Variants in PPP1R15A observed in about 807,000 individuals in gnomAD.
PPP1R15A encodes protein phosphatase 1 regulatory subunit 15A.
PPP1R15A carries 43 observed loss-of-function variants against 48.5 expected under a neutral mutation model. The ratio of observed to expected loss-of-function variants is 0.89; its 90% CI spans 0.69 to 1.14. PPP1R15A has a LOEUF of 1.14. Ranked by LOEUF, PPP1R15A falls within the 50% of genes most tolerant of loss-of-function variation. The probability of loss-of-function intolerance (pLI) is 0.00; values close to 1 mark genes in which losing one functional copy is unlikely to be tolerated. For synonymous variants in PPP1R15A, 327 were observed against 327.4 expected (o/e 1.00, Z 0.01); for missense variants, 868 against 847.2 (o/e 1.02, Z -0.30).
rs760287672 is a variant in PPP1R15A at position 48,874,220 on chromosome 19, T to C, written c.987T>C (p.Pro329=). Residue 329 remains proline, a synonymous_variant, in exon 2 of 3, where the codon CCT becomes CCC. Transcript: ENST00000200453. ...AGAAGGATGGAGAAGCTGAGTGTCC[T>C]CCCTGCATCCCCCCACCAAGTGCCT... is the stretch of plus-strand genomic sequence containing the variant. ...AAEKDGEAEC[P]PCIPPPSAFL... is the part of the protein sequence containing the mutation. 1 of 1,614,016 alleles carries C rather than the reference T, an allele frequency of 6.2e-7. No homozygotes were observed. The highest frequency in any genetic ancestry group is 8.5e-7 in the Non-Finnish European group (1 of 1,180,018).
chr19:48,874,066 A>G lies in PPP1R15A; in HGVS notation c.833A>G (p.Glu278Gly). ...GAGAAGGAGGAAAAGGCACACAAAG[A>G]AACTGGGAAAGGAGAAGCTGCCCCA... is the stretch of plus-strand genomic sequence containing the variant. The part of the protein sequence containing the change: ...SEEKEEKAHK[E>G]TGKGEAAPGP... The change falls in exon 2 of 3, where the codon GAA (glutamate) becomes GGA (glycine). Residue 278 changes from glutamate (E) to glycine (G), a missense_variant. Coordinates refer to ENST00000200453, the MANE Select transcript of PPP1R15A (RefSeq NM_014330.5). 1 of 1,614,192 alleles carries G rather than the reference A, an allele frequency of 6.2e-7. No homozygotes were observed. Among genetic ancestry groups the G allele is most frequent in the Non-Finnish European group, 8.5e-7 (1 of 1,180,016 alleles).
intron 1 of PPP1R15A, 27 bp from the exon 2 acceptor site, chr19:48,873,198 C>T (rs2037029618): frequency 6.9e-7 from 1 of 1,454,418 alleles, no homozygotes; most frequent in East Asian, 2.4e-5. Context: ...GGCCCCTAAA[C>T]TTTATTTTTT....
rs762936629 is a variant in PPP1R15A, at chr19:48,874,605, G to A, written c.1372G>A (p.Glu458Lys). 3.5e-5 allele frequency: 57 copies of A among 1,614,108 alleles called. No homozygotes were observed. Among genetic ancestry groups the A allele is most frequent in the Non-Finnish European group, 4.4e-5 (52 of 1,180,040 alleles). Residue 458 changes from glutamate (E) to lysine (K), a missense_variant, in exon 2 of 3, where the codon GAA (glutamate) becomes AAA (lysine). By Grantham distance (56) the Glu-to-Lys change is moderately conservative. Coordinates refer to ENST00000200453, the MANE Select transcript of PPP1R15A (RefSeq NM_014330.5). The part of the protein sequence containing the change: ...VDSEDKEDDS[E>K]AALGEAESDP... Reference sequence around the variant, plus strand: ...TAGTGAGGATAAGGAAGATGATTCAGAAGCAGCCTTGGGAGAAGCTGAGTC... The same window carrying A: ...TAGTGAGGATAAGGAAGATGATTCAAAAGCAGCCTTGGGAGAAGCTGAGTC...
Position 48,873,811 on chromosome 19 carries a change from A to G in PPP1R15A, c.578A>G (p.Glu193Gly). Residue 193 changes from glutamate to glycine, a missense_variant, in exon 2 of 3, where the codon GAG (glutamate) becomes GGG (glycine). Physicochemically the swap from Glu to Gly is moderately conservative, Grantham distance 98. Coordinates refer to ENST00000200453, the MANE Select transcript of PPP1R15A (RefSeq NM_014330.5). ...GAGTGTTGTCCAGCCGTGGAGGAGG[A>G]GGACGATGAAGAAGCTGTAAAGAAA... is the stretch of plus-strand genomic sequence containing the variant. ...HRECCPAVEE[E>G]DDEEAVKKEA... 3 of 1,614,074 alleles carry G rather than the reference A, an allele frequency of 1.9e-6. No individual in the cohort carries two copies. Among genetic ancestry groups the G allele is most frequent in the Non-Finnish European group, 2.5e-6 (3 of 1,180,000 alleles).
In PPP1R15A at chr19:48,875,719, C is replaced by G. The variant is rs374535887; in HGVS notation, c.1771C>G (p.Arg591Gly). 9 of 1,612,966 alleles carry G rather than the reference C, an allele frequency of 5.6e-6. No homozygotes were observed. The East Asian group carries it at 1.6e-4, about 28-fold the overall frequency. The change falls in exon 3 of 3, where the codon CGC becomes GGC. Residue 591 changes from arginine to glycine, a missense_variant. By Grantham distance (125) the Arg-to-Gly change is moderately radical. Coordinates refer to ENST00000200453, the MANE Select transcript of PPP1R15A (RefSeq NM_014330.5). ...PWEQLARDRSRFARRITQAQE... is the reference protein window; with the variant it reads ...PWEQLARDRSGFARRITQAQE... ...GGAGCAGCTTGCTCGGGATCGCAGC[C>G]GCTTCGCACGCCGCATCACCCAGGC...
chr19:48,875,009 C>G (rs1167714746), intron 2 of PPP1R15A, 111 bp downstream of exon 2: 1 of 1,278,054 alleles, frequency 7.8e-7, no homozygotes, highest in Non-Finnish European at 1.0e-6. Flanking sequence ...CACTGCCAAC[C>G]TCTGCCGCCC....
In PPP1R15A at chr19:48,874,088, C is replaced by G; in HGVS notation, c.855C>G (p.Ala285=). The part of the protein sequence containing the change: ...AHKETGKGEA[A]PGPQSSAPAQ... The stretch of plus-strand genomic sequence containing the variant: ...AAGAAACTGGGAAAGGAGAAGCTGC[C>G]CCAGGGCCGCAATCCTCAGCCCCAG... Residue 285 remains alanine (A), a synonymous_variant, in exon 2 of 3, where the codon GCC becomes GCG. Coordinates refer to ENST00000200453, the MANE Select transcript of PPP1R15A (RefSeq NM_014330.5). The G allele has an allele frequency of 6.2e-7, 1 of 1,614,116 alleles. No homozygotes were observed. Among genetic ancestry groups the G allele is most frequent in the Non-Finnish European group, 8.5e-7 (1 of 1,180,018 alleles).
intron 2 of PPP1R15A, chr19:48,875,154 C>T (rs2037066076): frequency 2.6e-6 from 1 of 387,628 alleles, no homozygotes. Flanking sequence ...TGGTCTCAAA[C>T]TCCTGACATC....
Position 48,873,709 on chromosome 19 carries a change from GGGA to G in PPP1R15A, c.481_483del (p.Glu161del), listed in dbSNP as rs1281506582. ...CTGCAAGGTTCTGATAAGAACCCAGGGGAGGAGAAAGCCGAGGAAGAGGGAGTT... is the reference window on the plus strand; with the variant it reads ...CTGCAAGGTTCTGATAAGAACCCAGGGGAGAAAGCCGAGGAAGAGGGAGTT... On this transcript the variant is annotated inframe_deletion, in exon 2 of 3. Coordinates refer to ENST00000200453, the MANE Select transcript of PPP1R15A (RefSeq NM_014330.5). 4 of 1,614,034 alleles carry G rather than the reference GGGA, an allele frequency of 2.5e-6. No homozygotes were observed. The highest frequency in any genetic ancestry group is 3.4e-6 in the Non-Finnish European group (4 of 1,180,036).
rs1235377757 is a variant in PPP1R15A, at chr19:48,875,758, A to G, written c.1810A>G (p.Ser604Gly). The stretch of plus-strand genomic sequence containing the variant: ...CATCACCCAGGCCCAGGAGGAGCTG[A>G]GCCCCTGCCTCACCCCTGCTGCCCG... ...RRITQAQEEL[S>G]PCLTPAARAR... The change falls in exon 3 of 3, where the codon AGC becomes GGC. Residue 604 changes from serine (S) to glycine (G), a missense_variant. Ser to Gly is a moderately conservative substitution (Grantham distance 56). Transcript: ENST00000200453. 5.0e-6 allele frequency: 8 copies of G among 1,613,688 alleles called. No homozygotes were observed. Among genetic ancestry groups the G allele is most frequent in the Middle Eastern group, 1.7e-4 (1 of 6,042 alleles).
At position 48,874,468 on chromosome 19, in the gene PPP1R15A, A is replaced by T. The variant is rs1292769068; in HGVS notation, c.1235A>T (p.Asp412Val). ...DEDSDTGSAE[D>V]EREAETSAST... ...GACAGTGATACAGGATCAGCCGAGGATGAAAGAGAAGCTGAGACTTCTGCT... is the reference window on the plus strand; with the variant it reads ...GACAGTGATACAGGATCAGCCGAGGTTGAAAGAGAAGCTGAGACTTCTGCT... The change falls in exon 2 of 3, where the codon GAT becomes GTT. Residue 412 changes from aspartate (D) to valine (V), a missense_variant. Transcript: ENST00000200453. The T allele has an allele frequency of 2.5e-6, 4 of 1,613,730 alleles. No individual in the cohort carries two copies. The Admixed American group carries it at 5.0e-5, about 20-fold the overall frequency.
Position 48,872,436 on chromosome 19 carries a change from C to T in PPP1R15A, c.-225C>T, listed in dbSNP as rs376198987. On this transcript the variant is annotated 5_prime_UTR_variant, in exon 1 of 3. Transcript: ENST00000200453. ...TGTGTTCGTTGCTCTTATCGGTTCCCATCCCAGTTGTTGATCTTATGCAAG... is the reference window on the plus strand; with the variant it reads ...TGTGTTCGTTGCTCTTATCGGTTCCTATCCCAGTTGTTGATCTTATGCAAG... 165 of 456,498 alleles carry T rather than the reference C, an allele frequency of 3.6e-4. 2 individuals carry two copies. Among genetic ancestry groups the T allele is most frequent in the South Asian group, 2.1e-3 (133 of 64,558 alleles). 28.3% of individuals were successfully genotyped at this position (456,498 alleles called of 1,614,324 possible). A position where few individuals can be genotyped will look rare whatever the true frequency, so the allele number is the denominator to read the frequency against.
intron 2 of PPP1R15A, 68 bp from the exon 3 acceptor site, chr19:48,875,546 C>T (rs2037071198): frequency 6.6e-7 from 1 of 1,504,784 alleles, no homozygotes; most frequent in Admixed American, 2.2e-5. Flanking sequence ...TCTCTCTTCC[C>T]CGCCCTCCCC....
chr19:48,875,597 C>G lies in PPP1R15A; in HGVS notation c.1666-17C>G, dbSNP rs764939326. 6.3e-7 allele frequency: 1 copy of G among 1,577,320 alleles called. No homozygotes were observed. The highest frequency in any genetic ancestry group is 8.6e-7 in the Non-Finnish European group (1 of 1,160,938). On this transcript the variant is annotated splice_polypyrimidine_tract_variant and intron_variant, in intron 2 of 2. Transcript: ENST00000200453. ...GCTGTGTGCATCTCCTGCCTGTGTCCCCATGTCTGCCCGCAGGTGCGCTTC... is the reference window on the plus strand; with the variant it reads ...GCTGTGTGCATCTCCTGCCTGTGTCGCCATGTCTGCCCGCAGGTGCGCTTC...
chr19:48,872,563 C>G lies in PPP1R15A; in HGVS notation c.-98C>G. 4.4e-6 allele frequency: 2 copies of G among 453,322 alleles called. No individual in the cohort carries two copies. Among genetic ancestry groups the G allele is most frequent in the South Asian group, 3.1e-5 (2 of 64,374 alleles). The allele number at this position is 453,322 out of a possible 1,614,324, so 28.1% of individuals were successfully genotyped here. A position where few individuals can be genotyped will look rare whatever the true frequency, so the allele number is the denominator to read the frequency against. Reference sequence around the variant, plus strand: ...GACGCCTGAGGGTGAGATGAACGCGCTGGCCTCCCTAACCGTCCGGACCTG... The same window carrying G: ...GACGCCTGAGGGTGAGATGAACGCGGTGGCCTCCCTAACCGTCCGGACCTG... On this transcript the variant is annotated 5_prime_UTR_variant, in exon 1 of 3. Coordinates refer to ENST00000200453, the MANE Select transcript of PPP1R15A (RefSeq NM_014330.5).
At position 48,873,649 on chromosome 19, in the gene PPP1R15A, G is replaced by A. The variant is rs371798766; in HGVS notation, c.416G>A (p.Arg139His). The change falls in exon 2 of 3, where the codon CGT becomes CAT. Residue 139 changes from arginine (R) to histidine (H), a missense_variant. Transcript: ENST00000200453. ...GQGSQFADGQ[R>H]APLSPSLLIR... ...GGAAGTCAATTTGCAGATGGCCAGC[G>A]TGCTCCCCTGTCTCCCAGCCTTCTG... 38 of 1,614,030 alleles carry A rather than the reference G, an allele frequency of 2.4e-5. No individual in the cohort carries two copies. Among genetic ancestry groups the A allele is most frequent in the Admixed American group, 8.3e-5 (5 of 59,998 alleles).
rs201219958 is a variant in PPP1R15A at position 48,875,609 on chromosome 19, C to G, written c.1666-5C>G. On this transcript the variant is annotated splice_region_variant and splice_polypyrimidine_tract_variant and intron_variant, in intron 2 of 2. Coordinates refer to ENST00000200453, the MANE Select transcript of PPP1R15A (RefSeq NM_014330.5). Reference sequence around the variant, plus strand: ...TCCTGCCTGTGTCCCCATGTCTGCCCGCAGGTGCGCTTCTCCGAGAAGGTC... The same window carrying G: ...TCCTGCCTGTGTCCCCATGTCTGCCGGCAGGTGCGCTTCTCCGAGAAGGTC... The G allele has an allele frequency of 1.4e-4, 224 of 1,584,330 alleles. 1 individual carries two copies. The East Asian group carries it at 5.0e-3, about 35-fold the overall frequency.
chr19:48,874,240 G>A lies in PPP1R15A; in HGVS notation c.1007G>A (p.Ser336Asn). ...TGTCCTCCCTGCATCCCCCCACCAA[G>A]TGCCTTCCTGAAGGCCTGGGTGTAT... is the stretch of plus-strand genomic sequence containing the variant. ...AECPPCIPPP[S>N]AFLKAWVYWP... The change falls in exon 2 of 3, where the codon AGT becomes AAT. Residue 336 changes from serine (S) to asparagine (N), a missense_variant. Ser to Asn is a conservative substitution (Grantham distance 46). Coordinates refer to ENST00000200453, the MANE Select transcript of PPP1R15A (RefSeq NM_014330.5). 1 of 1,614,182 alleles carries A rather than the reference G, an allele frequency of 6.2e-7. No homozygotes were observed. Among genetic ancestry groups the A allele is most frequent in the Non-Finnish European group, 8.5e-7 (1 of 1,180,026 alleles).
At chr19:48,875,054 G>T in intron 2 of PPP1R15A, 156 bp downstream of exon 2, 1 of 913,774 alleles carries the variant, frequency 1.1e-6, no homozygotes, top group Non-Finnish European at 1.5e-6. Context: ...AGCCTCCAGA[G>T]TATCTGGGAT....
Sources: gnomAD v4.1 joint callset for allele counts on GRCh38, gnomAD v4.1.1 for gene constraint, MANE v1.5 for transcripts, NCBI Gene and HGNC (gene_info 2026-07-23, HGNC 2026-07-21) for gene names.